Variants in APBB2 observed in about 807,000 individuals in gnomAD.
APBB2 encodes the protein Fe65-like 1.
In APBB2, 38 loss-of-function variants were observed where a neutral mutation model predicts 82.5. The observed-to-expected ratio is 0.46, with a 90% CI of 0.36 to 0.60. The LOEUF is 0.60. APBB2 is among the 20% of genes least tolerant of loss of function. The pLI is 0.00. For missense variants in APBB2, 772 were observed against 972.3 expected (o/e 0.79, Z 2.74); for synonymous variants, 341 against 368.2 (o/e 0.93, Z 0.85).
intron 4 of APBB2, among the ~76,000 whole-genome samples, chr4:41,051,334 C>G (rs747568237): frequency 2.6e-5 from 4 of 152,244 alleles, no homozygotes; most frequent in Non-Finnish European, 4.4e-5. Flanking sequence ...CAAAAACTCA[C>G]AGAAATCTGT....
chr4:41,173,115 G>A (rs763666169), intron 1 of APBB2, among the ~76,000 whole-genome samples: 48 of 152,120 alleles, frequency 3.2e-4, no homozygotes, highest in Non-Finnish European at 4.9e-4. Context: ...AACTTCCATG[G>A]GAACAAAGTT....
intron 12 of APBB2, among the ~76,000 whole-genome samples, chr4:40,842,914 G>A (rs1249334442): frequency 1.3e-5 from 2 of 152,178 alleles, no homozygotes; most frequent in African/African-American, 2.4e-5. Context: ...GGAAGTGGGA[G>A]AGACAGGAGA....
Position 41,086,772 on chromosome 4 carries a change from C to T in APBB2, c.-149+13867G>A, listed in dbSNP as rs138661385. The stretch of plus-strand genomic sequence containing the variant: ...ATCAAGAGGAAGAAAAGAATGTCCA[C>T]TTTCACCACTTCTTATCAACATAGT... On this transcript the variant is annotated intron_variant, in intron 3 of 17. Coordinates refer to ENST00000508593, the MANE Select transcript of APBB2 (RefSeq NM_004307.2). 5.9e-5 allele frequency among the ~76,000 whole-genome samples: 9 copies of T among 152,278 alleles called. No individual in the cohort carries two copies. The East Asian group carries it at 1.7e-3, about 29-fold the overall frequency.
At chr4:40,897,682 A>C (rs1225236913) in intron 10 of APBB2, among the ~76,000 whole-genome samples, 2 of 152,162 alleles carry the variant, frequency 1.3e-5, no homozygotes, top group Non-Finnish European at 2.9e-5. Flanking sequence ...AGTGAGAGGA[A>C]ACAGGTGTAA....
At chr4:40,845,359 TA>T (rs540095107) in intron 12 of APBB2, among the ~76,000 whole-genome samples, 1 of 152,026 alleles carries the variant, frequency 6.6e-6, no homozygotes, top group Non-Finnish European at 1.5e-5. Context: ...GTGCCAGGCG[TA>T]AGTCTACTCC....
chr4:40,914,064 C>T (rs1347468401), intron 10 of APBB2, among the ~76,000 whole-genome samples: 1 of 151,858 alleles, frequency 6.6e-6, no homozygotes, highest in Non-Finnish European at 1.5e-5. Context: ...GGTGAAACCC[C>T]ATCTCTACTA....
In APBB2 at chr4:40,836,403, G is replaced by C. The variant is rs538471981; in HGVS notation, c.1530-5826C>G. On this transcript the variant is annotated intron_variant, in intron 12 of 17. Coordinates refer to ENST00000508593, the MANE Select transcript of APBB2 (RefSeq NM_004307.2). ...GAGGTGTGAGAATCACTTGAACTCA[G>C]GAGATGGAGGTTGCAGTAGGCTGAG... Among the ~76,000 whole-genome samples, 124 of 152,332 alleles carry C rather than the reference G, an allele frequency of 8.1e-4. 1 individual carries two copies. The highest frequency in any genetic ancestry group is 2.9e-3 in the African/African-American group (121 of 41,586).
At chr4:40,908,370 C>CA in intron 10 of APBB2, among the ~76,000 whole-genome samples, 1 of 152,280 alleles carries the variant, frequency 6.6e-6, no homozygotes, top group East Asian at 1.9e-4. Flanking sequence ...TTCAGGTAAC[C>CA]ATGAGCATAT....
chr4:40,832,033 C>T lies in APBB2; in HGVS notation c.1530-1456G>A, dbSNP rs1560636988. On this transcript the variant is annotated intron_variant, in intron 12 of 17. Coordinates refer to ENST00000508593, the MANE Select transcript of APBB2 (RefSeq NM_004307.2). This position sits in a 1 kb window ranked among gnomAD's most constrained non-coding sequence, Gnocchi z 4.8. Reference sequence around the variant, plus strand: ...TTATATACACACACACACACACACACACACACACACACACACACATATACA... The same window carrying T: ...TTATATACACACACACACACACACATACACACACACACACACACATATACA... Among the ~76,000 whole-genome samples the T allele has an allele frequency of 2.6e-5, 4 of 151,800 alleles. No individual in the cohort carries two copies. Among genetic ancestry groups the T allele is most frequent in the African/African-American group, 9.7e-5 (4 of 41,342 alleles).
chr4:41,139,026 G>C (rs1455732679), intron 2 of APBB2, among the ~76,000 whole-genome samples: 4 of 152,106 alleles, frequency 2.6e-5, no homozygotes, highest in Non-Finnish European at 5.9e-5. Context: ...TGATATGGAA[G>C]TATTAGACTT....
intron 6 of APBB2, among the ~76,000 whole-genome samples, chr4:40,957,011 C>T (rs1002925169): frequency 2.2e-4 from 34 of 152,142 alleles, no homozygotes; most frequent in African/African-American, 8.2e-4. Flanking sequence ...AATCTAGCCC[C>T]GATGCCTGCT....
At chr4:41,155,292 G>T (rs1345302715) in intron 1 of APBB2, among the ~76,000 whole-genome samples, 1 of 151,922 alleles carries the variant, frequency 6.6e-6, no homozygotes, top group African/African-American at 2.4e-5. Context: ...TAACTCAGGG[G>T]GAAAATGAGA....
chr4:41,078,125 G>A (rs964952798), intron 3 of APBB2, among the ~76,000 whole-genome samples: 7 of 152,086 alleles, frequency 4.6e-5, no homozygotes, highest in Non-Finnish European at 7.3e-5. Flanking sequence ...GAGTACAAGC[G>A]CAGGTATTTA....
chr4:40,901,359 G>A (rs1396654224), intron 10 of APBB2, among the ~76,000 whole-genome samples: 2 of 150,812 alleles, frequency 1.3e-5, no homozygotes, highest in African/African-American at 4.9e-5. Context: ...TGCCAATCTA[G>A]TTTTGTTTTT....
intron 6 of APBB2, among the ~76,000 whole-genome samples, chr4:41,008,757 C>T (rs1378698829): frequency 6.6e-6 from 1 of 152,302 alleles, no homozygotes; most frequent in South Asian, 2.1e-4. Flanking sequence ...ACTCTTATCC[C>T]CATTTTATAG....
chr4:40,887,196 T>C (rs1770575773), intron 12 of APBB2, among the ~76,000 whole-genome samples: 1 of 152,160 alleles, frequency 6.6e-6, no homozygotes, highest in Non-Finnish European at 1.5e-5. Flanking sequence ...GTAAACTCAT[T>C]CCCGAAGGAA....
At chr4:40,946,746 G>A (rs1186196599) in intron 6 of APBB2, among the ~76,000 whole-genome samples, 2 of 152,114 alleles carry the variant, frequency 1.3e-5, no homozygotes, top group Non-Finnish European at 2.9e-5. Flanking sequence ...CTAAGGATTA[G>A]GCTGTTTCCT....
At chr4:41,163,211 G>A (rs567906806) in intron 1 of APBB2, among the ~76,000 whole-genome samples, 2 of 152,210 alleles carry the variant, frequency 1.3e-5, no homozygotes, top group East Asian at 1.9e-4. Flanking sequence ...AGCAGCACAG[G>A]TGGGTAAAAG....
At chr4:40,932,370 T>C (rs529883568) in intron 10 of APBB2, among the ~76,000 whole-genome samples, 1 of 152,200 alleles carries the variant, frequency 6.6e-6, no homozygotes, top group African/African-American at 2.4e-5. Flanking sequence ...GGCTCTAGAG[T>C]GGCCATGATA....
Sources: gnomAD v4.1 joint callset for allele counts (sites outside exome capture counted in the v4.1 genomes callset) on GRCh38, gnomAD v4.1.1 for gene constraint, Gnocchi (gnomAD v3.1) non-coding constraint, MANE v1.5 for transcripts, NCBI Gene and HGNC (gene_info 2026-07-23, HGNC 2026-07-21) for gene names.